The following DIAPH3 variants were observed in gnomAD, a reference collection of about 807,000 sequenced individuals.
DIAPH3 encodes diaphanous related formin 3, also known as protein diaphanous homolog 3.
A neutral mutation model predicts 144.3 loss-of-function variants in DIAPH3; 117 were observed. The observed-to-expected ratio is 0.81, with a 90% CI of 0.70 to 0.95. DIAPH3 has a LOEUF of 0.95. Among genes scored for constraint, DIAPH3 ranks in the 40% least tolerant of loss-of-function variants. DIAPH3 has a pLI of 0.00. For synonymous variants in DIAPH3, 519 were observed against 488.9 expected (o/e 1.06, Z -0.81); for missense variants, 1,421 against 1,412.7 (o/e 1.01, Z -0.09).
intron 1 of DIAPH3, among the ~76,000 whole-genome samples, chr13:60,148,565 T>C (rs1951639659): frequency 6.6e-6 from 1 of 152,098 alleles, no homozygotes; most frequent in Non-Finnish European, 1.5e-5. Context: ...GAAGCACGTA[T>C]AAAGTAAAAA....
rs2057001864 is a variant in DIAPH3 at position 60,067,187 on chromosome 13, A to G, written c.496-24367T>C. 2.6e-5 allele frequency among the ~76,000 whole-genome samples: 4 copies of G among 152,212 alleles called. No individual in the cohort carries two copies. In the South Asian group the frequency reaches 8.3e-4, roughly 32 times the overall value. On this transcript the variant is annotated intron_variant, in intron 4 of 27. Transcript: ENST00000400324. ...GTAGTCCCAGCTACTCTGGAGGCTA[A>G]GGTGAAAGGATTGCTTGAGCATGAG...
At chr13:59,733,451 C>T (rs894372663) in intron 27 of DIAPH3, among the ~76,000 whole-genome samples, 3 of 151,976 alleles carry the variant, frequency 2.0e-5, no homozygotes, top group Admixed American at 6.6e-5. Context: ...TGTGTCTTAT[C>T]GTCTTATCCT....
chr13:60,003,005 T>C (rs937717915), intron 9 of DIAPH3, among the ~76,000 whole-genome samples: 1 of 152,166 alleles, frequency 6.6e-6, no homozygotes, highest in African/African-American at 2.4e-5. Context: ...CCAATACTTA[T>C]CCCAGTCCTT....
chr13:60,042,803 G>T lies in DIAPH3; in HGVS notation c.513C>A (p.Ser171Arg). Residue 171 changes from serine to arginine, a missense_variant, in exon 5 of 28, where the codon AGC becomes AGA. Ser to Arg is a moderately radical substitution (Grantham distance 110). Coordinates refer to ENST00000400324, the MANE Select transcript of DIAPH3 (RefSeq NM_001042517.2). ...TASKTGSLKR[S>R]RQISPQEFIH... is the part of the protein sequence containing the mutation. ...TGAATTCCTGAGGTGAGATCTGTCG[G>T]CTTCTCTTAAGACTTCCCTATAAAA... 6.2e-7 allele frequency: 1 copy of T among 1,613,452 alleles called. No individual in the cohort carries two copies. The highest frequency in any genetic ancestry group is 2.2e-5 in the East Asian group (1 of 44,802).
At chr13:60,092,119 A>G (rs944094977) in intron 4 of DIAPH3, among the ~76,000 whole-genome samples, 1 of 152,036 alleles carries the variant, frequency 6.6e-6, no homozygotes, top group East Asian at 1.9e-4. Context: ...ATACCTGCCC[A>G]TTTAACTCTG....
Position 59,917,348 on chromosome 13 carries a change from T to C in DIAPH3, c.2171-1099A>G, listed in dbSNP as rs1420066772. ...AACCAATCCCTCTGATATCAAAGGA[T>C]GACTATTTTTTATAAAACTCAGGAA... On this transcript the variant is annotated intron_variant, in intron 18 of 27. Transcript: ENST00000400324. 1.3e-5 allele frequency among the ~76,000 whole-genome samples: 2 copies of C among 152,164 alleles called. 1 individual carries two copies. Among genetic ancestry groups the C allele is most frequent in the Admixed American group, 1.3e-4 (2 of 15,278 alleles).
chr13:59,776,351 G>T (rs2038410971), intron 25 of DIAPH3, among the ~76,000 whole-genome samples: 2 of 152,070 alleles, frequency 1.3e-5, no homozygotes, highest in Non-Finnish European at 2.9e-5. Context: ...TACAATAAAT[G>T]TAATTCTAAG....
intron 23 of DIAPH3, among the ~76,000 whole-genome samples, chr13:59,836,287 CTTAA>C (rs2042039433): frequency 1.3e-5 from 2 of 151,754 alleles, no homozygotes; most frequent in Non-Finnish European, 3.0e-5. Flanking sequence ...CTGGCATATT[CTTAA>C]TTTTCTCACC....
intron 14 of DIAPH3, among the ~76,000 whole-genome samples, chr13:59,979,312 G>C (rs192845414): frequency 6.6e-6 from 1 of 151,460 alleles, no homozygotes; most frequent in African/African-American, 2.4e-5. Flanking sequence ...ATACTATCTG[G>C]GATGTATCCA....
At chr13:59,958,683 C>A (rs536952449) in intron 17 of DIAPH3, among the ~76,000 whole-genome samples, 154 of 151,626 alleles carry the variant, frequency 1.0e-3, no homozygotes, top group Non-Finnish European at 1.6e-3. Flanking sequence ...ATATATAATA[C>A]ACTATGATAC....
At chr13:59,999,767 C>T (rs2140884302) in intron 9 of DIAPH3, among the ~76,000 whole-genome samples, 1 of 152,234 alleles carries the variant, frequency 6.6e-6, no homozygotes. Flanking sequence ...CACCTAGAGT[C>T]AGATCTGCAT....
At chr13:59,908,553 T>C (rs566709199) in intron 20 of DIAPH3, among the ~76,000 whole-genome samples, 15 of 152,084 alleles carry the variant, frequency 9.9e-5, no homozygotes, top group African/African-American at 1.7e-4. Context: ...CTACATCTTA[T>C]GTTTTTTAAC....
intron 5 of DIAPH3, among the ~76,000 whole-genome samples, chr13:60,040,805 A>G (rs2055606846): frequency 6.6e-6 from 1 of 152,062 alleles, no homozygotes; most frequent in Non-Finnish European, 1.5e-5. Context: ...CACCCAACAT[A>G]CTACTGGAAA....
chr13:59,752,714 T>C lies in DIAPH3; in HGVS notation c.3319+21475A>G, dbSNP rs192338423. On this transcript the variant is annotated intron_variant, in intron 27 of 27. Transcript: ENST00000400324. ...CAGTCTCTTTTAAAACAAGGGTAAG[T>C]ACAAATTCTATAATGGGAAAGGTCT... Among the ~76,000 whole-genome samples, 165 of 152,278 alleles carry C rather than the reference T, an allele frequency of 1.1e-3. 3 individuals are homozygous for C. In the South Asian group the frequency reaches 0.012, roughly 11 times the overall value.
intron 4 of DIAPH3, among the ~76,000 whole-genome samples, chr13:60,054,278 G>C (rs912418406): frequency 6.6e-6 from 1 of 151,898 alleles, no homozygotes; most frequent in African/African-American, 2.4e-5. Context: ...AGAATAGTTT[G>C]AACTTTAATT....
chr13:60,118,950 C>T (rs1231296652), intron 2 of DIAPH3, among the ~76,000 whole-genome samples: 10 of 152,140 alleles, frequency 6.6e-5, no homozygotes, highest in African/African-American at 2.4e-4. Context: ...ACATGACTTA[C>T]GAAAATCTGT....
chr13:59,969,563 T>TTA (rs1332112383), intron 17 of DIAPH3, among the ~76,000 whole-genome samples: 4 of 152,260 alleles, frequency 2.6e-5, no homozygotes, highest in Non-Finnish European at 5.9e-5. Flanking sequence ...CACTGTAATA[T>TTA]TAAAGGGTAG....
intron 5 of DIAPH3, among the ~76,000 whole-genome samples, 156 bp from the exon 6 acceptor site, chr13:60,016,301 G>T (rs1594350593): frequency 6.6e-6 from 1 of 152,288 alleles, no homozygotes; most frequent in East Asian, 1.9e-4. Context: ...ACTCATCTTA[G>T]TTGTGAAAGA....
chr13:60,021,138 A>G (rs1456013451), intron 5 of DIAPH3: 1 of 152,276 alleles, frequency 6.6e-6, no homozygotes, highest in Non-Finnish European at 1.5e-5. Flanking sequence ...TGCACATCTT[A>G]AACTCAGAAC....
Sources: allele counts gnomAD v4.1 joint callset (sites outside exome capture counted in the v4.1 genomes callset), GRCh38; gene constraint gnomAD v4.1.1; transcripts MANE v1.5; gene names NCBI Gene and HGNC (gene_info 2026-07-23, HGNC 2026-07-21).